The following BTBD8 variants were observed in gnomAD, a reference collection of about 807,000 sequenced individuals.
The protein encoded by BTBD8 is BTB domain containing 8.
In BTBD8, 110 loss-of-function variants were observed where a neutral mutation model predicts 162.9. The ratio of observed to expected loss-of-function variants is 0.68; its 90% confidence interval spans 0.58 to 0.79. The LOEUF (loss-of-function observed/expected upper bound fraction) is 0.79. Among genes scored for constraint, BTBD8 ranks in the 30% least tolerant of loss-of-function variants. The pLI is 0.00. For missense variants in BTBD8, 1,905 were observed against 2,085.4 expected (o/e 0.91, Z 1.68); for synonymous variants, 667 against 716.1 (o/e 0.93, Z 1.10).
intron 4 of BTBD8, among the ~76,000 whole-genome samples, chr1:92,119,726 A>C (rs1229229763): frequency 1.4e-5 from 2 of 147,590 alleles, no homozygotes; most frequent in Non-Finnish European, 3.0e-5. Context: ...TTCCGGGTTC[A>C]CGCCGTTCTC....
At chr1:92,140,971 A>G in intron 6 of BTBD8, 144 bp from the exon 7 acceptor site, 1 of 909,200 alleles carries the variant, frequency 1.1e-6, no homozygotes, top group Non-Finnish European at 1.5e-6. Flanking sequence ...TAAAGGGTGT[A>G]TGTTATGTAA....
In BTBD8 at chr1:92,080,518, C is replaced by T. The variant is rs541369595; in HGVS notation, c.-54C>T. The T allele has an allele frequency of 7.9e-5, 126 of 1,592,864 alleles. No homozygotes were observed. The highest frequency in any genetic ancestry group is 9.9e-5 in the Non-Finnish European group (116 of 1,173,708). Reference sequence around the variant, plus strand: ...GAAACGCCCCCTTCTTCCTCCTGGGCGGGGCAAGTGAGGCCAAGTACTGGG... The same window carrying T: ...GAAACGCCCCCTTCTTCCTCCTGGGTGGGGCAAGTGAGGCCAAGTACTGGG... On this transcript the variant is annotated 5_prime_UTR_variant, in exon 1 of 18. Coordinates refer to ENST00000636805, the MANE Select transcript of BTBD8 (RefSeq NM_001376131.1).
chr1:92,119,150 T>C (rs1649124421), intron 4 of BTBD8, among the ~76,000 whole-genome samples: 1 of 151,932 alleles, frequency 6.6e-6, no homozygotes, highest in Admixed American at 6.5e-5. Flanking sequence ...TAAAAAACTA[T>C]CTTCAATAAT....
At chr1:92,142,070 A>G (rs2100626681) in intron 7 of BTBD8, among the ~76,000 whole-genome samples, 1 of 152,370 alleles carries the variant, frequency 6.6e-6, no homozygotes, top group Non-Finnish European at 1.5e-5. Flanking sequence ...GCCATAAACA[A>G]CTGGGTCTAG....
At chr1:92,116,930 C>T (rs1193543847) in intron 4 of BTBD8, among the ~76,000 whole-genome samples, 1 of 150,840 alleles carries the variant, frequency 6.6e-6, no homozygotes, top group African/African-American at 2.5e-5. Context: ...GCTTCTGTAA[C>T]CTTGAACTGC....
In BTBD8 at chr1:92,081,434, T is replaced by C. The variant is rs1050837903; in HGVS notation, c.149+714T>C. On this transcript the variant is annotated intron_variant, in intron 1 of 17. Coordinates refer to ENST00000636805, the MANE Select transcript of BTBD8 (RefSeq NM_001376131.1). Reference sequence around the variant, plus strand: ...CTAATTTACATTTCCAGCAAGACATTGATTCTTAAACTTGGGTGGGCATCA... The same window carrying C: ...CTAATTTACATTTCCAGCAAGACATCGATTCTTAAACTTGGGTGGGCATCA... Among the ~76,000 whole-genome samples the C allele has an allele frequency of 2.0e-5, 3 of 152,346 alleles. No individual in the cohort carries two copies. The East Asian group carries it at 5.8e-4, about 29-fold the overall frequency.
At chr1:92,150,384 G>A (rs929504973) in intron 9 of BTBD8, among the ~76,000 whole-genome samples, 1 of 152,112 alleles carries the variant, frequency 6.6e-6, no homozygotes, top group Non-Finnish European at 1.5e-5. Context: ...TAGCAATGGT[G>A]GGTTAAATCA....
At chr1:92,176,228 G>A (rs1224152764) in intron 13 of BTBD8, among the ~76,000 whole-genome samples, 2 of 152,128 alleles carry the variant, frequency 1.3e-5, no homozygotes, top group African/African-American at 2.4e-5. Context: ...AATTTTTATT[G>A]AAAATCTTTA....
At chr1:92,141,328 A>C (rs540724886) in intron 7 of BTBD8, 117 bp downstream of exon 7, 1 of 1,002,888 alleles carries the variant, frequency 1.0e-6, no homozygotes, top group South Asian at 1.8e-5. Flanking sequence ...AAGTAAATTT[A>C]ACTAATGAGA....
At chr1:92,099,306 C>T (rs1648527526) in intron 2 of BTBD8, among the ~76,000 whole-genome samples, 1 of 151,808 alleles carries the variant, frequency 6.6e-6, no homozygotes, top group South Asian at 2.1e-4. Flanking sequence ...TTGTAGGAAG[C>T]TTAGAAAATT....
At chr1:92,178,745 T>C (rs1259343339) in intron 16 of BTBD8, among the ~76,000 whole-genome samples, 1 of 152,094 alleles carries the variant, frequency 6.6e-6, no homozygotes, top group Non-Finnish European at 1.5e-5. Flanking sequence ...TTCCTCTGCC[T>C]CCCAAAGTGC....
intron 5 of BTBD8, among the ~76,000 whole-genome samples, chr1:92,131,466 G>C (rs765331823): frequency 3.3e-5 from 5 of 152,162 alleles, no homozygotes; most frequent in Admixed American, 6.5e-5. Flanking sequence ...GCTCCCACCT[G>C]TAATCCCAGC....
Position 92,129,688 on chromosome 1 carries a change from G to A in BTBD8, c.664G>A (p.Ala222Thr). 1 of 1,613,214 alleles carries A rather than the reference G, an allele frequency of 6.2e-7. No homozygotes were observed. Among genetic ancestry groups the A allele is most frequent in the Non-Finnish European group, 8.5e-7 (1 of 1,179,370 alleles). ...GTTTCTCCCCCCTCTTCCCTTTAGG[G>A]CCATTTTGAGTGCCAGATCTAGTTA... ...VDGKRFKAHR[A>T]ILSARSSYFA... The change falls in exon 5 of 18, where the codon GCC becomes ACC. Residue 222 changes from alanine to threonine, a missense_variant and splice_region_variant. Physicochemically the swap from Ala to Thr is moderately conservative, Grantham distance 58. Around this residue, in one of 3 missense-constraint regions of BTBD8, gnomAD observed 1,374 missense variants for 1,442.7 expected, o/e 0.95. Transcript: ENST00000636805.
At chr1:92,089,234 T>C (rs967657315) in intron 2 of BTBD8, among the ~76,000 whole-genome samples, 4 of 152,132 alleles carry the variant, frequency 2.6e-5, no homozygotes, top group Non-Finnish European at 2.9e-5. Flanking sequence ...GTAGTGGCAC[T>C]ACTGGCATTT....
At position 92,088,681 on chromosome 1, in the gene BTBD8, C is replaced by A; in HGVS notation, c.150-17C>A. 6.6e-7 allele frequency: 1 copy of A among 1,511,790 alleles called. No individual in the cohort carries two copies. Among genetic ancestry groups the A allele is most frequent in the Non-Finnish European group, 8.9e-7 (1 of 1,128,096 alleles). The allele number at this position is 1,511,790 out of a possible 1,614,324, so 93.6% of individuals were successfully genotyped here. ...AGTATCACTAATTAAACTATGATTC[C>A]TTTTTATTCCTTATAGGCTTCTAAG... On this transcript the variant is annotated splice_polypyrimidine_tract_variant and intron_variant, in intron 1 of 17. Transcript: ENST00000636805.
intron 5 of BTBD8, among the ~76,000 whole-genome samples, chr1:92,131,501 A>G (rs1266379753): frequency 2.6e-5 from 4 of 152,178 alleles, no homozygotes; most frequent in Non-Finnish European, 4.4e-5. Flanking sequence ...GGGCGAGTGG[A>G]TCACCAGAGG....
chr1:92,155,665 G>A (rs1425604295), intron 9 of BTBD8, among the ~76,000 whole-genome samples: 1 of 152,074 alleles, frequency 6.6e-6, no homozygotes, highest in Non-Finnish European at 1.5e-5. Flanking sequence ...CACCTTCTTA[G>A]ATAAGTTTAT....
intron 4 of BTBD8, among the ~76,000 whole-genome samples, chr1:92,128,706 C>T (rs1307611816): frequency 1.3e-5 from 2 of 152,128 alleles, no homozygotes; most frequent in African/African-American, 4.8e-5. Flanking sequence ...AGGCGTGAGT[C>T]ACCGTGCCTG....
intron 11 of BTBD8, among the ~76,000 whole-genome samples, chr1:92,168,614 G>T (rs1443416128): frequency 6.6e-6 from 1 of 152,140 alleles, no homozygotes; most frequent in South Asian, 2.1e-4. Context: ...GCTGTGGAAG[G>T]TGTTCATATC....
Sources: gnomAD v4.1 joint callset for allele counts (sites outside exome capture counted in the v4.1 genomes callset) on GRCh38, gnomAD v4.1.1 for gene constraint, gnomAD v4.1.1 regional missense constraint, MANE v1.5 for transcripts, NCBI Gene and HGNC (gene_info 2026-07-23, HGNC 2026-07-21) for gene names.